Variants in FHIT observed in about 807,000 individuals in gnomAD.
FHIT encodes fragile histidine triad diadenosine triphosphatase.
Under a neutral mutation model 17.9 loss-of-function variants are expected in FHIT, and 19 were observed. The observed-to-expected ratio is 1.06, with a 90% CI of 0.74 to 1.56. The LOEUF (loss-of-function observed/expected upper bound fraction) is 1.56. Among genes scored for constraint, FHIT ranks in the 40% most tolerant of loss-of-function variants. The pLI, the probability that FHIT is intolerant of heterozygous loss-of-function variation, is 0.00. For missense variants in FHIT, 248 were observed against 189.2 expected (o/e 1.31, Z -1.82); for synonymous variants, 81 against 69.7 (o/e 1.16, Z -0.81).
chr3:60,135,878 T>C (rs890648615), intron 5 of FHIT, among the ~76,000 whole-genome samples: 2 of 152,182 alleles, frequency 1.3e-5, no homozygotes, highest in African/African-American at 4.8e-5. Context: ...TTCTTATCAG[T>C]AGAGTGGCTC....
intron 5 of FHIT, among the ~76,000 whole-genome samples, chr3:60,049,958 T>C (rs1018944206): frequency 1.3e-5 from 2 of 152,348 alleles, no homozygotes; most frequent in South Asian, 4.1e-4. Flanking sequence ...ATACTTATTA[T>C]GATCTTTCTT....
intron 8 of FHIT, among the ~76,000 whole-genome samples, chr3:59,886,880 A>C (rs1276121880): frequency 1.3e-5 from 2 of 152,120 alleles, no homozygotes; most frequent in Non-Finnish European, 2.9e-5. Context: ...TTTTTTGTCT[A>C]TTAGACATTC....
intron 5 of FHIT, among the ~76,000 whole-genome samples, chr3:60,024,330 C>T (rs573687334): frequency 2.0e-5 from 3 of 152,254 alleles, no homozygotes; most frequent in African/African-American, 7.2e-5. Flanking sequence ...AAAATCAGTC[C>T]TCCATGAGCT....
chr3:60,269,272 C>T (rs547464097), intron 5 of FHIT, among the ~76,000 whole-genome samples: 51 of 152,298 alleles, frequency 3.3e-4, no homozygotes, highest in African/African-American at 9.9e-4. Flanking sequence ...CAGTTTTCTA[C>T]GTCTTTAACC....
At chr3:61,215,675 C>T (rs1364120161) in intron 1 of FHIT, among the ~76,000 whole-genome samples, 1 of 152,128 alleles carries the variant, frequency 6.6e-6, no homozygotes, top group Non-Finnish European at 1.5e-5. Context: ...AAAAAAGAGC[C>T]CGCATCACCA....
At chr3:61,147,764 A>G (rs1233778265) in intron 2 of FHIT, among the ~76,000 whole-genome samples, 1 of 152,036 alleles carries the variant, frequency 6.6e-6, no homozygotes, top group Non-Finnish European at 1.5e-5. Context: ...AAAATAAATG[A>G]AGTAAAGATT....
chr3:60,675,686 G>C (rs2040607548), intron 4 of FHIT, among the ~76,000 whole-genome samples: 1 of 152,138 alleles, frequency 6.6e-6, no homozygotes, highest in Non-Finnish European at 1.5e-5. Flanking sequence ...CTCTATGATA[G>C]ACTCTGACCT....
At chr3:60,470,722 C>T (rs2033045659) in intron 5 of FHIT, among the ~76,000 whole-genome samples, 1 of 152,048 alleles carries the variant, frequency 6.6e-6, no homozygotes, top group African/African-American at 2.4e-5. Flanking sequence ...CAAACTGGTA[C>T]CCAAGCGGCA....
intron 5 of FHIT, among the ~76,000 whole-genome samples, chr3:60,127,493 C>A (rs1025043714): frequency 6.6e-6 from 1 of 152,104 alleles, no homozygotes; most frequent in African/African-American, 2.4e-5. Context: ...TAATAAACTC[C>A]CCATGATATG....
intron 7 of FHIT, among the ~76,000 whole-genome samples, chr3:59,939,722 T>G (rs929706930): frequency 1.3e-5 from 2 of 152,110 alleles, no homozygotes; most frequent in African/African-American, 4.8e-5. Flanking sequence ...AATCAATTCT[T>G]TAAAATTAGT....
intron 5 of FHIT, among the ~76,000 whole-genome samples, chr3:60,305,585 A>G (rs898541314): frequency 2.0e-5 from 3 of 152,102 alleles, no homozygotes; most frequent in Non-Finnish European, 2.9e-5. Flanking sequence ...TTATCTTTCT[A>G]CTTGTTGTGA....
At chr3:60,503,148 C>G (rs2034589023) in intron 5 of FHIT, among the ~76,000 whole-genome samples, 1 of 152,142 alleles carries the variant, frequency 6.6e-6, no homozygotes, top group Non-Finnish European at 1.5e-5. Context: ...CTATCTGAGC[C>G]TCAATTTCTT....
chr3:60,673,584 T>C (rs782148722), intron 4 of FHIT, among the ~76,000 whole-genome samples: 18 of 152,122 alleles, frequency 1.2e-4, no homozygotes, highest in Admixed American at 5.9e-4. Context: ...TGTGGCTTAA[T>C]ACCTAGGTGA....
chr3:60,504,206 C>T (rs887197974), intron 5 of FHIT, among the ~76,000 whole-genome samples: 2 of 152,090 alleles, frequency 1.3e-5, no homozygotes, highest in African/African-American at 2.4e-5. Context: ...GCGGCCGAGG[C>T]GGGCAGATCA....
intron 4 of FHIT, among the ~76,000 whole-genome samples, chr3:60,614,931 G>A (rs1274073994): frequency 2.8e-5 from 4 of 141,846 alleles, no homozygotes; most frequent in Non-Finnish European, 4.5e-5. Context: ...CCAGGTTCAA[G>A]CAATTCTCCT....
rs9833555 is a variant in FHIT, at chr3:59,785,919, C to T, written c.349-33598G>A. Among the ~76,000 whole-genome samples the T allele has an allele frequency of 5.1e-3, 773 of 152,280 alleles. 8 individuals carry two copies. The highest frequency in any genetic ancestry group is 0.018 in the African/African-American group (733 of 41,542). On this transcript the variant is annotated intron_variant, in intron 8 of 9. Transcript: ENST00000492590. ...CGCCAAAATTTGAGTCAGTGCCCCA[C>T]CTATGCGCTCCGCTAATACCTTCAA...
At chr3:61,191,545 T>C (rs2038716877) in intron 2 of FHIT, among the ~76,000 whole-genome samples, 1 of 152,170 alleles carries the variant, frequency 6.6e-6, no homozygotes, top group Admixed American at 6.5e-5. Flanking sequence ...AACCTTTTGG[T>C]TCTGTTTCTC....
intron 4 of FHIT, chr3:60,617,013 G>A (rs554945703): frequency 5.5e-6 from 1 of 183,110 alleles, no homozygotes; most frequent in African/African-American, 2.4e-5. Context: ...GGAGAATGAG[G>A]AACCACTGAA....
chr3:59,941,872 G>A (rs571723181), intron 7 of FHIT, among the ~76,000 whole-genome samples: 92 of 152,300 alleles, frequency 6.0e-4, no homozygotes, highest in African/African-American at 2.1e-3. Context: ...GATGAAGTGG[G>A]TTGGCTCAAC....
Sources: allele counts gnomAD v4.1 joint callset (sites outside exome capture counted in the v4.1 genomes callset), GRCh38; gene constraint gnomAD v4.1.1; transcripts MANE v1.5; gene names NCBI Gene and HGNC (gene_info 2026-07-23, HGNC 2026-07-21).